DCAF12: variants seen among roughly 807,000 people sequenced by gnomAD.
DCAF12 encodes DDB1- and CUL4-associated factor 12.
In DCAF12, 28 loss-of-function variants were observed where a neutral mutation model predicts 52.8. The observed-to-expected ratio is 0.53, with a 90% CI of 0.39 to 0.73. DCAF12 has a LOEUF of 0.73. DCAF12 is among the 30% of genes least tolerant of loss of function. The pLI, the probability that DCAF12 is intolerant of heterozygous loss-of-function variation, is 0.00. For synonymous variants in DCAF12, 196 were observed against 215.5 expected (o/e 0.91, Z 0.79); for missense variants, 425 against 552.2 (o/e 0.77, Z 2.31).
intron 4 of DCAF12, among the ~76,000 whole-genome samples, chr9:34,100,265 C>T (rs1301296445): frequency 6.9e-6 from 1 of 144,098 alleles, no homozygotes; most frequent in African/African-American, 2.6e-5. Flanking sequence ...GTGGTGCGAT[C>T]TTGGCTCACT....
Position 34,089,417 on chromosome 9 carries a change from A to G in DCAF12, c.1198T>C (p.Trp400Arg), listed in dbSNP as rs748780217. The G allele has an allele frequency of 1.2e-6, 2 of 1,612,358 alleles. No individual in the cohort carries two copies. Among genetic ancestry groups the G allele is most frequent in the South Asian group, 1.1e-5 (1 of 90,948 alleles). Residue 400 changes from tryptophan to arginine, a missense_variant, in exon 8 of 9, where the codon TGG becomes CGG. By Grantham distance (101) the Trp-to-Arg change is moderately radical. This residue lies in a region of DCAF12 where 328 missense variants were observed against 444.4 expected (regional missense o/e 0.74). Transcript: ENST00000361264. Reference sequence around the variant, plus strand: ...TCAGGTAGGGGCTTACGCACCAGCCAGCCTTTGCCAGTGGTTAGTTTCAGA... The same window carrying G: ...TCAGGTAGGGGCTTACGCACCAGCCGGCCTTTGCCAGTGGTTAGTTTCAGA... ...ENLKLTTGKG[W>R]LNHDETWRNY...
intron 2 of DCAF12, among the ~76,000 whole-genome samples, chr9:34,117,350 C>T (rs1829104125): frequency 6.6e-6 from 1 of 150,764 alleles, no homozygotes; most frequent in African/African-American, 2.4e-5. Context: ...CAGGGTTTCA[C>T]CGTGTTAGCC....
chr9:34,103,955 TCTC>T (rs1408200590), intron 4 of DCAF12, among the ~76,000 whole-genome samples: 1 of 152,050 alleles, frequency 6.6e-6, no homozygotes, highest in African/African-American at 2.4e-5. Flanking sequence ...ACACTGCTAA[TCTC>T]CTGAACACTT....
chr9:34,119,293 AT>A (rs1404198985), intron 2 of DCAF12, among the ~76,000 whole-genome samples: 2 of 152,228 alleles, frequency 1.3e-5, no homozygotes, highest in Non-Finnish European at 2.9e-5. Flanking sequence ...ACGATACTTT[AT>A]CAACAATACA....
In DCAF12 at chr9:34,096,800, C is replaced by T. The variant is rs1238752404; in HGVS notation, c.796-19G>A. 1.2e-6 allele frequency: 2 copies of T among 1,611,416 alleles called. No homozygotes were observed. Among genetic ancestry groups the T allele is most frequent in the South Asian group, 1.1e-5 (1 of 90,982 alleles). On this transcript the variant is annotated intron_variant, in intron 5 of 8. Coordinates refer to ENST00000361264, the MANE Select transcript of DCAF12 (RefSeq NM_015397.4). ...CCAGTTCCTACAAGAGCAATGAAAA[C>T]CAGGTTATATTATCATCTATAGCAA...
At chr9:34,107,624 ATAAACATCC>A in intron 2 of DCAF12, 59 bp from the exon 3 acceptor site, 2 of 1,422,886 alleles carry the variant, frequency 1.4e-6, no homozygotes, top group East Asian at 4.6e-5. Context: ...AATACAGGGT[ATAAACATCC>A]TTTTGTTCAA....
chr9:34,095,649 A>G (rs766115369), intron 6 of DCAF12, among the ~76,000 whole-genome samples: 92 of 152,064 alleles, frequency 6.1e-4, no homozygotes, highest in Non-Finnish European at 1.5e-4. Flanking sequence ...TCAACCTCCC[A>G]AAGTGTTGGG....
chr9:34,090,182 GCCTCCCAAGTAGCTGGGATTACAGGCT>G (rs1190277586), intron 7 of DCAF12, among the ~76,000 whole-genome samples: 1 of 152,106 alleles, frequency 6.6e-6, no homozygotes, highest in Non-Finnish European at 1.5e-5. Context: ...TCCTGCCTTA[GCCTCCCAAGTAGCTGGGATTACAGGCT>G]CCTGCCATCA....
At chr9:34,089,355 A>G (rs1828608818) in intron 8 of DCAF12, 57 bp downstream of exon 8, 1 of 1,515,342 alleles carries the variant, frequency 6.6e-7, no homozygotes, top group East Asian at 2.3e-5. Context: ...TGAGAGATAG[A>G]GGAAGATAAT....
chr9:34,115,683 A>G (rs927145027), intron 2 of DCAF12, among the ~76,000 whole-genome samples: 2 of 151,640 alleles, frequency 1.3e-5, no homozygotes, highest in African/African-American at 4.8e-5. Context: ...AGCTTGTAAT[A>G]CCAATTTTAG....
Position 34,126,395 on chromosome 9 carries a change from G to A in DCAF12, c.37C>T (p.Pro13Ser), listed in dbSNP as rs1386013261. 6 of 1,610,642 alleles carry A rather than the reference G, an allele frequency of 3.7e-6. No homozygotes were observed. Among genetic ancestry groups the A allele is most frequent in the Admixed American group, 3.3e-5 (2 of 59,976 alleles). ...TCGCTCCCAGCTCCCGGCGAGGCGG[G>A]CGCTTTCCGCTTCCTGCTAACTACT... ...RKVVSRKRKA[P>S]ASPGAGSDAQ... The change falls in exon 1 of 9, where the codon CCC becomes TCC. Residue 13 changes from proline (P) to serine (S), a missense_variant. Pro to Ser is a moderately conservative substitution (Grantham distance 74). Coordinates refer to ENST00000361264, the MANE Select transcript of DCAF12 (RefSeq NM_015397.4).
At chr9:34,122,173 C>T (rs902280103) in intron 2 of DCAF12, among the ~76,000 whole-genome samples, 5 of 152,030 alleles carry the variant, frequency 3.3e-5, no homozygotes, top group East Asian at 1.9e-4. Context: ...AAACTAAGAA[C>T]GACTTCCCAC....
chr9:34,105,811 C>T (rs535891512), intron 4 of DCAF12, among the ~76,000 whole-genome samples: 18 of 150,454 alleles, frequency 1.2e-4, no homozygotes, highest in Middle Eastern at 3.4e-3. Context: ...TGCAGTGGCG[C>T]GATCTCAGCT....
intron 7 of DCAF12, among the ~76,000 whole-genome samples, 157 bp downstream of exon 7, chr9:34,093,129 G>A (rs10122086): frequency 4.5e-4 from 68 of 152,360 alleles, no homozygotes; most frequent in African/African-American, 1.3e-3. Flanking sequence ...GATTACAGGC[G>A]TAAGCCACCA....
intron 2 of DCAF12, among the ~76,000 whole-genome samples, chr9:34,110,985 G>GTTTT (rs1204745952): frequency 6.4e-5 from 8 of 125,956 alleles, no homozygotes; most frequent in Admixed American, 8.6e-5. Context: ...ATTCTTTTCT[G>GTTTT]TTTTTTTTTT....
intron 4 of DCAF12, among the ~76,000 whole-genome samples, chr9:34,102,806 T>G (rs1828849759): frequency 6.6e-6 from 1 of 152,120 alleles, no homozygotes; most frequent in Non-Finnish European, 1.5e-5. Flanking sequence ...CTGGGCGCAG[T>G]GGCTCACGAC....
chr9:34,098,412 G>A lies in DCAF12; in HGVS notation c.707C>T (p.Thr236Ile). Residue 236 changes from threonine (T) to isoleucine (I), a missense_variant, in exon 5 of 9, where the codon ACT (threonine) becomes ATT (isoleucine). By Grantham distance (89) the Thr-to-Ile change is moderately conservative (BLOSUM62 -1). Transcript: ENST00000361264. ...VSRVPVYAHI[T>I]HKALKDIPKE... ...GGGGATGTCCTTTAAGGCCTTGTGA[G>A]TGATGTGTGCATACACAGGGACCCG... 1 of 1,614,268 alleles carries A rather than the reference G, an allele frequency of 6.2e-7. No individual in the cohort carries two copies. Among genetic ancestry groups the A allele is most frequent in the Non-Finnish European group, 8.5e-7 (1 of 1,180,046 alleles).
chr9:34,106,561 A>C, intron 3 of DCAF12, 67 bp from the exon 4 acceptor site: 1 of 1,311,836 alleles, frequency 7.6e-7, no homozygotes. Flanking sequence ...GGATTGTAAT[A>C]AACTCTCTAA....
intron 1 of DCAF12, chr9:34,125,527 T>C (rs993989465): frequency 1.7e-6 from 1 of 601,906 alleles, no homozygotes; most frequent in Non-Finnish European, 3.2e-6. Context: ...GAATGCAGAA[T>C]AGAACAGACT....
Sources: gnomAD v4.1 joint callset for allele counts (sites outside exome capture counted in the v4.1 genomes callset) on GRCh38, gnomAD v4.1.1 for gene constraint, gnomAD v4.1.1 regional missense constraint, MANE v1.5 for transcripts, NCBI Gene and HGNC (gene_info 2026-07-23, HGNC 2026-07-21) for gene names.